DPP6: variants seen among roughly 807,000 people sequenced by gnomAD.
The protein encoded by DPP6 is dipeptidyl peptidase like 6, also known as A-type potassium channel modulatory protein DPP6.
A neutral mutation model predicts 122.6 loss-of-function variants in DPP6; 69 were observed. The ratio of observed to expected loss-of-function variants is 0.56; its 90% confidence interval spans 0.46 to 0.69. DPP6 has a LOEUF of 0.69. Among genes scored for constraint, DPP6 ranks in the 30% least tolerant of loss-of-function variants. The probability of loss-of-function intolerance (pLI) is 0.00; values close to 1 mark genes in which losing one functional copy is unlikely to be tolerated. For missense variants in DPP6, 928 were observed against 1,116.9 expected, an observed-to-expected ratio of 0.83 and a Z score of 2.41; for synonymous variants, 418 against 433.1, an observed-to-expected ratio of 0.97 and a Z score of 0.43.
At chr7:154,592,930 C>T (rs1832889689) in intron 5 of DPP6, among the ~76,000 whole-genome samples, 1 of 152,162 alleles carries the variant, frequency 6.6e-6, no homozygotes, top group South Asian at 2.1e-4. Flanking sequence ...CCCCATTTGG[C>T]AGGCTGGCTG....
At chr7:154,205,898 G>C (rs1384378727) in intron 1 of DPP6, among the ~76,000 whole-genome samples, 1 of 152,150 alleles carries the variant, frequency 6.6e-6, no homozygotes, top group South Asian at 2.1e-4. Context: ...GCCTCTCTTG[G>C]TCCTGCCTGT....
At chr7:154,200,781 C>T (rs12703321) in intron 1 of DPP6, among the ~76,000 whole-genome samples, 123,777 of 152,162 alleles carry the variant, frequency 0.81, 50,567 homozygotes, top group Non-Finnish European at 0.85. Flanking sequence ...TGCAAGGTAG[C>T]AAAGTGTCTA....
intron 4 of DPP6, among the ~76,000 whole-genome samples, chr7:154,549,659 G>A (rs939214271): frequency 6.6e-6 from 1 of 152,118 alleles, no homozygotes; most frequent in African/African-American, 2.4e-5. Context: ...ACGTTAGAAG[G>A]GTAGACATCC....
At chr7:154,036,997 G>T (rs1372859465) in intron 1 of DPP6, among the ~76,000 whole-genome samples, 3 of 152,172 alleles carry the variant, frequency 2.0e-5, no homozygotes, top group Non-Finnish European at 4.4e-5. Flanking sequence ...AAATCCATTT[G>T]TGAATAATAT....
At chr7:154,103,017 G>A (rs1805864826) in intron 1 of DPP6, among the ~76,000 whole-genome samples, 1 of 152,070 alleles carries the variant, frequency 6.6e-6, no homozygotes, top group African/African-American at 2.4e-5. Context: ...GGGGTCAGAG[G>A]GTTGGCCTGG....
At chr7:154,137,650 T>TGGGGGGGGGGGGGGGGGGGGGGGGGG (rs1419049474) in intron 1 of DPP6, among the ~76,000 whole-genome samples, 2 of 10,060 alleles carry the variant, frequency 2.0e-4, no homozygotes, top group African/African-American at 3.7e-4. Context: ...GTGGGGGGGG[T>TGGGGGGGGGGGGGGGGGGGGGGGGGG]GGGGGGGTGG....
rs1382448296 is a variant in DPP6, at chr7:154,588,033, G to A, written c.627+21117G>A. The A allele has an allele frequency of 8.1e-6, 13 of 1,612,158 alleles. No individual in the cohort carries two copies. In the East Asian group the frequency reaches 2.7e-4, roughly 33 times the overall value. On this transcript the variant is annotated intron_variant, in intron 5 of 25. Transcript: ENST00000377770. ...AGGCATCGCATCTGCTCACCCCGGG[G>A]ATAATGCACAGCAGCTACAGGCAGA...
intron 5 of DPP6, chr7:154,588,034 A>T: frequency 6.2e-7 from 1 of 1,612,128 alleles, no homozygotes; most frequent in East Asian, 2.2e-5. Flanking sequence ...CACCCCGGGG[A>T]TAATGCACAG....
chr7:154,121,625 A>G (rs1291379813), intron 1 of DPP6, among the ~76,000 whole-genome samples: 4 of 152,142 alleles, frequency 2.6e-5, no homozygotes, highest in Admixed American at 6.5e-5. Context: ...TTCTGTTGTG[A>G]TCAGAAAAAG....
intron 1 of DPP6, among the ~76,000 whole-genome samples, chr7:154,224,422 C>CTA (rs1800481206): frequency 3.4e-5 from 5 of 149,080 alleles, no homozygotes; most frequent in African/African-American, 1.3e-4. Flanking sequence ...TCAAGGATGA[C>CTA]TGCTAAGTTC....
chr7:154,500,762 A>G (rs948336590), intron 3 of DPP6, among the ~76,000 whole-genome samples: 2 of 152,212 alleles, frequency 1.3e-5, no homozygotes, highest in African/African-American at 4.8e-5. Context: ...ATGGACTAAT[A>G]CAGTAAATTG....
intron 1 of DPP6, among the ~76,000 whole-genome samples, chr7:153,953,108 G>A (rs544816772): frequency 2.9e-4 from 44 of 152,246 alleles, no homozygotes; most frequent in African/African-American, 1.1e-3. Context: ...TGTATTCCTT[G>A]AAAACCACTG....
At chr7:154,226,438 A>T (rs747827900) in intron 1 of DPP6, among the ~76,000 whole-genome samples, 1 of 152,252 alleles carries the variant, frequency 6.6e-6, no homozygotes, top group Non-Finnish European at 1.5e-5. Flanking sequence ...TGTGAAAGGC[A>T]TCAGTAAATA....
the DPP6 span, among the ~76,000 whole-genome samples, chr7:153,819,360 T>A: frequency 3.4e-5 from 5 of 147,424 alleles, no homozygotes; most frequent in Non-Finnish European, 5.9e-5. Context: ...GTTACACTAC[T>A]GTTGGGATAT....
chr7:154,737,515 T>C (rs1445913382), intron 8 of DPP6, among the ~76,000 whole-genome samples: 1 of 152,212 alleles, frequency 6.6e-6, no homozygotes, highest in African/African-American at 2.4e-5. Context: ...ATATTTTTGA[T>C]CTGCATTTGG....
At chr7:153,874,252 GCACACACA>G in the DPP6 span, among the ~76,000 whole-genome samples, 2 of 150,092 alleles carry the variant, frequency 1.3e-5, no homozygotes, top group Non-Finnish European at 3.0e-5. Flanking sequence ...GTGCGCACAT[GCACACACA>G]CACACACACA....
chr7:153,820,616 A>T, the DPP6 span, among the ~76,000 whole-genome samples: 1 of 152,158 alleles, frequency 6.6e-6, no homozygotes, highest in Non-Finnish European at 1.5e-5. Context: ...TACTTCTGCC[A>T]TATTCCAGTA....
chr7:154,870,306 A>G (rs1222648880), intron 18 of DPP6, among the ~76,000 whole-genome samples: 1 of 152,126 alleles, frequency 6.6e-6, no homozygotes, highest in African/African-American at 2.4e-5. Context: ...GAGAAATTCA[A>G]GAAAACCATA....
At chr7:154,512,218 A>G (rs1826143483) in intron 3 of DPP6, among the ~76,000 whole-genome samples, 1 of 152,192 alleles carries the variant, frequency 6.6e-6, no homozygotes, top group Non-Finnish European at 1.5e-5. Flanking sequence ...CCTCTTAAAC[A>G]GTTTCTTTAT....
Sources: gnomAD v4.1 joint callset for allele counts (sites outside exome capture counted in the v4.1 genomes callset) on GRCh38, gnomAD v4.1.1 for gene constraint, MANE v1.5 for transcripts, NCBI Gene and HGNC (gene_info 2026-07-23, HGNC 2026-07-21) for gene names.